FANCA: variants seen among roughly 807,000 people sequenced by gnomAD.
FANCA encodes Fanconi anemia group A protein.
In FANCA, 236 loss-of-function variants were observed where a neutral mutation model predicts 194.3. That is an observed-to-expected ratio of 1.21 (90% CI 1.09 to 1.35). The LOEUF (loss-of-function observed/expected upper bound fraction) is 1.35, where lower values mean the gene tolerates loss of function less well. Among genes scored for constraint, FANCA ranks in the 40% most tolerant of loss-of-function variants. FANCA has a pLI of 0.00. For synonymous variants in FANCA, 1,014 were observed against 715.8 expected, an observed-to-expected ratio of 1.42 and a Z score of -6.65; for missense variants, 2,628 against 1,813.9, an observed-to-expected ratio of 1.45 and a Z score of -8.15.
chr16:89,802,194 C>T (rs2040480408), intron 8 of FANCA, among the ~76,000 whole-genome samples: 1 of 152,060 alleles, frequency 6.6e-6, no homozygotes, highest in Non-Finnish European at 1.5e-5. Context: ...ACCTCCGCCT[C>T]CTGGGTTCAA....
At chr16:89,799,510 G>A (rs1269384225) in intron 9 of FANCA, 95 bp downstream of exon 9, 23 of 1,257,296 alleles carry the variant, frequency 1.8e-5, no homozygotes, top group Non-Finnish European at 2.3e-5. Context: ...ACATACAGAG[G>A]AGAAATACCT....
At chr16:89,772,234 G>T (rs1454878252) in intron 22 of FANCA, among the ~76,000 whole-genome samples, 5 of 152,214 alleles carry the variant, frequency 3.3e-5, no homozygotes, top group Non-Finnish European at 7.3e-5. Context: ...TTTAGAAACA[G>T]GACTCACCTG....
intron 28 of FANCA, 110 bp downstream of exon 28, chr16:89,764,780 G>A (rs1203914096): frequency 7.7e-7 from 1 of 1,292,398 alleles, no homozygotes; most frequent in South Asian, 1.2e-5. Flanking sequence ...GACGTGGCAT[G>A]ATGCAGGGGA....
chr16:89,785,114 T>C, intron 14 of FANCA, 150 bp from the exon 15 acceptor site: 1 of 711,770 alleles, frequency 1.4e-6, no homozygotes, highest in Non-Finnish European at 2.5e-6. Context: ...GAGAAGAGTG[T>C]GAAGCCCACC....
chr16:89,793,027 T>C lies in FANCA; in HGVS notation c.1007-480A>G, dbSNP rs58558674. 5.1e-3 allele frequency among the ~76,000 whole-genome samples: 769 copies of C among 152,224 alleles called. 6 individuals carry two copies. The highest frequency in any genetic ancestry group is 0.018 in the African/African-American group (746 of 41,542). The stretch of plus-strand genomic sequence containing the variant: ...AGGTGTACAGGATGGAACATGAAGG[T>C]GGACTAGGAGCGTGACCACTGAAGC... On this transcript the variant is annotated intron_variant, in intron 11 of 42. Transcript: ENST00000389301.
chr16:89,770,008 G>A lies in FANCA; in HGVS notation c.2333C>T (p.Ala778Val), dbSNP rs777163986. Residue 778 changes from alanine (A) to valine (V), a missense_variant, in exon 26 of 43, where the codon GCC becomes GTC. Transcript: ENST00000389301. ...GGCAGCCAACCCCAGCACATGTGGG[G>A]CACTCAGGCTCGGGCCCTGCAACGA... is the stretch of plus-strand genomic sequence containing the variant. ...LLRHQGPSLS[A>V]PHVLGLAALA... 7.4e-6 allele frequency: 12 copies of A among 1,613,702 alleles called. No homozygotes were observed. In the South Asian group the frequency reaches 1.2e-4, roughly 16 times the overall value.
At chr16:89,749,933 G>A (rs1472412378) in intron 31 of FANCA, 31 bp from the exon 32 acceptor site, 2 of 1,612,650 alleles carry the variant, frequency 1.2e-6, no homozygotes, top group East Asian at 2.2e-5. Flanking sequence ...GGCACAGGAA[G>A]GCCTCGGGGC....
intron 30 of FANCA, among the ~76,000 whole-genome samples, chr16:89,754,045 C>G (rs1484190631): frequency 6.6e-6 from 1 of 151,698 alleles, no homozygotes; most frequent in African/African-American, 2.4e-5. Context: ...CACAGCGACA[C>G]TCTGTCTCAA....
intron 5 of FANCA, chr16:89,810,499 T>C (rs2040834669): frequency 3.5e-6 from 2 of 577,210 alleles, no homozygotes; most frequent in Non-Finnish European, 6.2e-6. Context: ...ATATTACTAA[T>C]GATAGGTGAA....
intron 29 of FANCA, among the ~76,000 whole-genome samples, 186 bp from the exon 30 acceptor site, chr16:89,758,891 T>C (rs914452301): frequency 2.6e-5 from 4 of 151,934 alleles, no homozygotes; most frequent in African/African-American, 9.7e-5. Flanking sequence ...CCTGGGGATG[T>C]GGGAAAGGCC....
At position 89,816,206 on chromosome 16, in the gene FANCA, C is replaced by T. The variant is rs1178424876; in HGVS notation, c.80-220G>A. ...CAGGAGGGCCCGAGGCAGGGGAGCC[C>T]GGGGACGGCTGGCGAGGGGCGGCCT... On this transcript the variant is annotated intron_variant, in intron 1 of 42. Coordinates refer to ENST00000389301, the MANE Select transcript of FANCA (RefSeq NM_000135.4). 3 of 547,772 alleles carry T rather than the reference C, an allele frequency of 5.5e-6. No individual in the cohort carries two copies. In the African/African-American group the frequency reaches 5.7e-5, roughly 10 times the overall value. The allele number at this position is 547,772 out of a possible 1,614,324, so 33.9% of individuals were successfully genotyped here.
chr16:89,778,161 C>CAAAAA (rs35361961), intron 20 of FANCA, among the ~76,000 whole-genome samples: 6 of 47,988 alleles, frequency 1.3e-4, no homozygotes, highest in East Asian at 6.4e-4. Context: ...GACTTCATCT[C>CAAAAA]AAAAAAAAAA....
chr16:89,766,514 A>G (rs897641205), intron 27 of FANCA, among the ~76,000 whole-genome samples: 1 of 151,472 alleles, frequency 6.6e-6, no homozygotes, highest in African/African-American at 2.4e-5. Flanking sequence ...GTTCGAAAAC[A>G]GCCTGGCCAA....
chr16:89,791,703 G>T, intron 13 of FANCA, 167 bp from the exon 14 acceptor site: 1 of 1,071,342 alleles, frequency 9.3e-7, no homozygotes, highest in Non-Finnish European at 1.4e-6. Context: ...CAAACCACTA[G>T]AGACCTGAAT....
rs752058479 is a variant in FANCA, at chr16:89,738,194, C to T, written c.*407G>A. The T allele has an allele frequency of 1.7e-5, 28 of 1,610,898 alleles. 1 individual carries two copies. Among genetic ancestry groups the T allele is most frequent in the South Asian group, 1.1e-4 (10 of 90,832 alleles). On this transcript the variant is annotated 3_prime_UTR_variant, in exon 43 of 43. Coordinates refer to ENST00000389301, the MANE Select transcript of FANCA (RefSeq NM_000135.4). ...GAGGCGGAACCACCACCTGGGCCAC[C>T]GAGCCCCTCTGTGACCACAGAGGGC...
chr16:89,739,716 C>A, intron 39 of FANCA, 163 bp from the exon 40 acceptor site: 1 of 1,509,520 alleles, frequency 6.6e-7, no homozygotes, highest in Non-Finnish European at 8.9e-7. Context: ...CTGTCAGCAG[C>A]TGGGAGAGGA....
chr16:89,758,438 A>C, intron 30 of FANCA, 139 bp downstream of exon 30: 2 of 947,172 alleles, frequency 2.1e-6, no homozygotes, highest in Admixed American at 3.6e-5. Context: ...AAGGAGACTG[A>C]CATTTGGGTA....
Position 89,771,658 on chromosome 16 carries a change from T to C in FANCA, c.2151+20A>G, listed in dbSNP as rs374555419. ...AAAATGGTGAAGACCCCCTGCTTTG[T>C]TCTGAGCCCCTACACCTACCATGTG... is the stretch of plus-strand genomic sequence containing the variant. On this transcript the variant is annotated intron_variant, in intron 23 of 42. Coordinates refer to ENST00000389301, the MANE Select transcript of FANCA (RefSeq NM_000135.4). 2.4e-5 allele frequency: 38 copies of C among 1,613,824 alleles called. No homozygotes were observed. The highest frequency in any genetic ancestry group is 1.3e-5 in the African/African-American group (1 of 74,886).
rs754093943 is a variant in FANCA at position 89,779,020 on chromosome 16, C to G, written c.1716-17G>C. 1 of 1,612,218 alleles carries G rather than the reference C, an allele frequency of 6.2e-7. No individual in the cohort carries two copies. The highest frequency in any genetic ancestry group is 1.1e-5 in the South Asian group (1 of 90,982). ...CTGAATATGCTGCAACACAGAGAAG[C>G]AGACAGTGCATCAGTCAGAGCAGCG... On this transcript the variant is annotated splice_polypyrimidine_tract_variant and intron_variant, in intron 18 of 42. Coordinates refer to ENST00000389301, the MANE Select transcript of FANCA (RefSeq NM_000135.4).
Sources: allele counts gnomAD v4.1 joint callset (sites outside exome capture counted in the v4.1 genomes callset), GRCh38; gene constraint gnomAD v4.1.1; transcripts MANE v1.5; gene names NCBI Gene and HGNC (gene_info 2026-07-23, HGNC 2026-07-21).